The following NFIA variants were observed in gnomAD, a reference collection of about 807,000 sequenced individuals.
NFIA encodes nuclear factor I A.
NFIA carries 8 observed loss-of-function variants against 62.8 expected under a neutral mutation model. The observed-to-expected ratio is 0.13, with a 90% CI of 0.07 to 0.23. The LOEUF is 0.23. NFIA is among the 10% of genes least tolerant of loss of function. The pLI is 1.00. For synonymous variants in NFIA, 235 were observed against 238.1 expected, an observed-to-expected ratio of 0.99 and a Z score of 0.12; for missense variants, 410 against 642.1, an observed-to-expected ratio of 0.64 and a Z score of 3.91.
chr1:61,298,100 A>T (rs1214266939), intron 3 of NFIA, among the ~76,000 whole-genome samples: 1 of 151,980 alleles, frequency 6.6e-6, no homozygotes, highest in East Asian at 1.9e-4. Flanking sequence ...GGGAGGAGGG[A>T]GCTGTAATTC....
rs1361155685 is a variant in NFIA, at chr1:61,457,150, A to G, written c.*1830A>G. On this transcript the variant is annotated 3_prime_UTR_variant, in exon 11 of 11. Coordinates refer to ENST00000403491, the MANE Select transcript of NFIA (RefSeq NM_001134673.4). The surrounding 1 kb of genome is among the most constrained non-coding windows in gnomAD (Gnocchi z 4.2). ...CTACTACTGTCCTATACAATCAAGT[A>G]ACTGAAATTCTTGGGAAGACACTTT... 1 of 152,242 alleles carries G rather than the reference A, an allele frequency of 6.6e-6. No homozygotes were observed. The allele number at this position is 152,242 out of a possible 1,614,324, so 9.4% of individuals were successfully genotyped here.
chr1:61,205,087 A>G (rs74328314), intron 2 of NFIA, among the ~76,000 whole-genome samples: 6,947 of 152,288 alleles, frequency 0.046, 227 homozygotes, highest in Non-Finnish European at 0.069. Context: ...CTTAATGGCT[A>G]TCCTATAAGG....
intron 3 of NFIA, among the ~76,000 whole-genome samples, chr1:61,288,032 G>C (rs1406847430): frequency 6.6e-6 from 1 of 152,122 alleles, no homozygotes; most frequent in Non-Finnish European, 1.5e-5. Flanking sequence ...TAGTTTTCTT[G>C]GAACAATAAA....
chr1:61,175,032 A>AT (rs1650232723), intron 2 of NFIA, among the ~76,000 whole-genome samples: 2 of 152,150 alleles, frequency 1.3e-5, no homozygotes, highest in Admixed American at 6.6e-5. Flanking sequence ...TTAAAAAAAA[A>AT]CAAAAAAACA....
chr1:61,391,654 G>C (rs916195519), intron 7 of NFIA, among the ~76,000 whole-genome samples: 2 of 152,132 alleles, frequency 1.3e-5, no homozygotes, highest in Non-Finnish European at 2.9e-5. Flanking sequence ...GGCATTTTAA[G>C]TTTTTCTCTC....
At chr1:61,432,514 C>G (rs1050455164) in intron 10 of NFIA, among the ~76,000 whole-genome samples, 10 of 151,782 alleles carry the variant, frequency 6.6e-5, no homozygotes, top group Non-Finnish European at 1.3e-4. Flanking sequence ...TTAGTTACCA[C>G]ACAGAAGTTC....
intron 2 of NFIA, among the ~76,000 whole-genome samples, chr1:61,170,565 T>C (rs183868299): frequency 1.8e-4 from 28 of 152,302 alleles, no homozygotes; most frequent in African/African-American, 6.5e-4. Flanking sequence ...TGCTTAGGAC[T>C]GTAACCAAAC....
intron 2 of NFIA, among the ~76,000 whole-genome samples, chr1:61,252,875 C>T (rs1656134293): frequency 1.3e-5 from 2 of 152,114 alleles, no homozygotes; most frequent in Non-Finnish European, 2.9e-5. Context: ...GATAAGGTAA[C>T]TTCTATTCTA....
At position 61,238,339 on chromosome 1, in the gene NFIA, G is replaced by A. The variant is rs74090348; in HGVS notation, c.560-39181G>A. 5.5e-3 allele frequency among the ~76,000 whole-genome samples: 834 copies of A among 152,238 alleles called. 7 individuals are homozygous for A. The highest frequency in any genetic ancestry group is 0.019 in the African/African-American group (809 of 41,548). ...CCATAATCTACATTTAAATGGTTTC[G>A]AATATGATTGGCCTAGCTTCCTAGC... is the stretch of plus-strand genomic sequence containing the variant. On this transcript the variant is annotated intron_variant, in intron 2 of 10. Coordinates refer to ENST00000403491, the MANE Select transcript of NFIA (RefSeq NM_001134673.4).
In NFIA at chr1:61,436,222, C is replaced by T. The variant is rs373406098; in HGVS notation, c.1512+9666C>T. Among the ~76,000 whole-genome samples the T allele has an allele frequency of 1.8e-3, 281 of 152,212 alleles. 6 individuals carry two copies. In the South Asian group the frequency reaches 0.056, roughly 31 times the overall value. On this transcript the variant is annotated intron_variant, in intron 10 of 10. Transcript: ENST00000403491. ...ACAGGCAGCAATAGGTTCTGGGTTTCTCTTTTATGACTTGGAACCAGATGC... is the reference window on the plus strand; with the variant it reads ...ACAGGCAGCAATAGGTTCTGGGTTTTTCTTTTATGACTTGGAACCAGATGC...
chr1:61,294,359 T>G (rs1369000743), intron 3 of NFIA, among the ~76,000 whole-genome samples: 1 of 152,226 alleles, frequency 6.6e-6, no homozygotes, highest in African/African-American at 2.4e-5. Flanking sequence ...AATAGCAGAT[T>G]CATTGTAGAA....
intron 10 of NFIA, among the ~76,000 whole-genome samples, chr1:61,433,983 C>A (rs1405174711): frequency 1.3e-5 from 2 of 152,192 alleles, no homozygotes; most frequent in Non-Finnish European, 2.9e-5. Flanking sequence ...TCCTACTACC[C>A]ACTGCAAAAT....
chr1:61,120,574 A>G (rs1646872069), intron 2 of NFIA, among the ~76,000 whole-genome samples: 1 of 152,176 alleles, frequency 6.6e-6, no homozygotes, highest in South Asian at 2.1e-4. Flanking sequence ...AAGAGTGATA[A>G]GCTTGTAAGT....
intron 2 of NFIA, among the ~76,000 whole-genome samples, chr1:61,170,209 A>G (rs77130296): frequency 1.6e-3 from 246 of 152,272 alleles, no homozygotes; most frequent in Admixed American, 0.01. Flanking sequence ...GCTTTCATCA[A>G]GTTCCCAAAG....
At chr1:61,288,237 T>TA (rs551958288) in intron 3 of NFIA, among the ~76,000 whole-genome samples, 11 of 152,160 alleles carry the variant, frequency 7.2e-5, no homozygotes, top group Non-Finnish European at 7.3e-5. Context: ...AGTCAAATAA[T>TA]AGAGCATTTG....
In NFIA at chr1:61,406,694, A is replaced by T. The variant is rs2100525897; in HGVS notation, c.1387A>T (p.Thr463Ser). 6.2e-7 allele frequency: 1 copy of T among 1,612,736 alleles called. No individual in the cohort carries two copies. The highest frequency in any genetic ancestry group is 8.5e-7 in the Non-Finnish European group (1 of 1,179,424). Residue 463 changes from threonine (T) to serine (S), a missense_variant, in exon 9 of 11, where the codon ACA becomes TCA. Physicochemically the swap from Thr to Ser is moderately conservative, Grantham distance 58. Transcript: ENST00000403491. ...AGACACAAAGCCTCCAACCACGTCA[A>T]CAGAAGGAGGTGCAGCCTCCCCCAC... Reference protein sequence around the residue: ...VPDTKPPTTSTEGGAASPTSP... With the variant: ...VPDTKPPTTSSEGGAASPTSP...
At chr1:61,144,436 G>A (rs755695908) in intron 2 of NFIA, among the ~76,000 whole-genome samples, 5 of 152,148 alleles carry the variant, frequency 3.3e-5, no homozygotes, top group Non-Finnish European at 7.3e-5. Flanking sequence ...GAGTGTTGGG[G>A]TCTTACCTTA....
At chr1:61,136,535 C>T (rs1330096078) in intron 2 of NFIA, among the ~76,000 whole-genome samples, 1 of 152,052 alleles carries the variant, frequency 6.6e-6, no homozygotes, top group African/African-American at 2.4e-5. Flanking sequence ...CTTTCTAACG[C>T]CTATGAGAGG....
At chr1:61,338,979 G>A (rs1330898595) in intron 4 of NFIA, among the ~76,000 whole-genome samples, 1 of 152,170 alleles carries the variant, frequency 6.6e-6, no homozygotes, top group Non-Finnish European at 1.5e-5. Flanking sequence ...GAGCATTAAA[G>A]GAAGAAACAA....
Sources: gnomAD v4.1 joint callset for allele counts (sites outside exome capture counted in the v4.1 genomes callset) on GRCh38, gnomAD v4.1.1 for gene constraint, Gnocchi (gnomAD v3.1) non-coding constraint, MANE v1.5 for transcripts, NCBI Gene and HGNC (gene_info 2026-07-23, HGNC 2026-07-21) for gene names.